The following CBFA2T3 variants were observed in gnomAD, a reference collection of about 807,000 sequenced individuals.
CBFA2T3 encodes the protein CBFA2/RUNX1 partner transcriptional co-repressor 3, also known as transcriptional corepressor CBFA2T3.
Under a neutral mutation model 58.6 loss-of-function variants are expected in CBFA2T3, and 31 were observed. That is an observed-to-expected ratio of 0.53 (90% CI 0.40 to 0.71). The LOEUF (loss-of-function observed/expected upper bound fraction) is 0.71. Ranked by LOEUF, CBFA2T3 falls within the 30% of genes least tolerant of loss-of-function variation. The pLI is 0.00. For synonymous variants in CBFA2T3, 531 were observed against 421.9 expected (o/e 1.26, Z -3.17); for missense variants, 1,076 against 963.1 (o/e 1.12, Z -1.55).
In CBFA2T3 at chr16:88,885,014, C is replaced by T. The variant is rs570992759; in HGVS notation, c.1117+32G>A. 1.3e-5 allele frequency: 20 copies of T among 1,519,182 alleles called. No individual in the cohort carries two copies. Among genetic ancestry groups the T allele is most frequent in the Middle Eastern group, 1.9e-4 (1 of 5,184 alleles). The allele number at this position is 1,519,182 out of a possible 1,614,324, so 94.1% of individuals were successfully genotyped here. On this transcript the variant is annotated intron_variant, in intron 7 of 11. Transcript: ENST00000268679. The surrounding 1 kb of genome is among the most constrained non-coding windows in gnomAD (Gnocchi z 5.3). ...GGCGCATGTGTGCTCCTGTAACACG[C>T]GTCCACGCTCCCGCCCCACCGGGCT...
chr16:88,929,179 T>G (rs1376500228), intron 1 of CBFA2T3, among the ~76,000 whole-genome samples: 1 of 152,138 alleles, frequency 6.6e-6, no homozygotes, highest in African/African-American at 2.4e-5. Flanking sequence ...AGAGATCCCA[T>G]AACTGTTTGT....
chr16:88,916,939 G>A (rs903473182), intron 1 of CBFA2T3, among the ~76,000 whole-genome samples: 11 of 151,774 alleles, frequency 7.2e-5, no homozygotes, highest in African/African-American at 1.5e-4. Context: ...GCAGAAGCAC[G>A]GATTCTTTTA....
chr16:88,880,834 C>T (rs1969039591), intron 9 of CBFA2T3, 46 bp from the exon 10 acceptor site: 2 of 1,523,930 alleles, frequency 1.3e-6, no homozygotes, highest in Non-Finnish European at 1.8e-6. Context: ...CGCGGCTGCC[C>T]CTCCCACGCT....
At chr16:88,949,361 C>G (rs561910646) in intron 1 of CBFA2T3, among the ~76,000 whole-genome samples, 2 of 152,220 alleles carry the variant, frequency 1.3e-5, no homozygotes, top group East Asian at 3.9e-4. Flanking sequence ...CAGTTCAAAA[C>G]CAGCCTGGCC....
At chr16:88,928,698 T>TCCTGCCCCACGGAGCTGA (rs1555539372) in intron 1 of CBFA2T3, among the ~76,000 whole-genome samples, 16 of 152,130 alleles carry the variant, frequency 1.1e-4, no homozygotes, top group African/African-American at 3.9e-4. Flanking sequence ...CAGGCAAAAG[T>TCCTGCCCCACGGAGCTGA]CCTGCCCCAC....
chr16:88,913,643 G>T (rs762712353), intron 1 of CBFA2T3, among the ~76,000 whole-genome samples: 17 of 151,938 alleles, frequency 1.1e-4, no homozygotes, highest in Admixed American at 3.3e-4. Flanking sequence ...ATTCCTCCGT[G>T]GGGGGGTCTC....
intron 1 of CBFA2T3, among the ~76,000 whole-genome samples, chr16:88,967,248 G>T (rs551811593): frequency 2.7e-5 from 4 of 147,120 alleles, no homozygotes; most frequent in African/African-American, 1.0e-4. Flanking sequence ...ACTCGGCCCC[G>T]ACACGAGGCA....
chr16:88,934,537 T>G lies in CBFA2T3; in HGVS notation c.152-32881A>C, dbSNP rs141040365. On this transcript the variant is annotated intron_variant, in intron 1 of 11. Transcript: ENST00000268679. ...GGGGGGCGACAGGCGAGGCTCCATCTTCCCTGTGCACAGTGTGTGGTGCTG... is the reference window on the plus strand; with the variant it reads ...GGGGGGCGACAGGCGAGGCTCCATCGTCCCTGTGCACAGTGTGTGGTGCTG... 1.3e-3 allele frequency among the ~76,000 whole-genome samples: 200 copies of G among 152,356 alleles called. 3 individuals are homozygous for G. In the South Asian group the frequency reaches 0.019, roughly 15 times the overall value.
chr16:88,914,233 ACT>A (rs1970617287), intron 1 of CBFA2T3, among the ~76,000 whole-genome samples: 2 of 152,016 alleles, frequency 1.3e-5, no homozygotes, highest in South Asian at 2.1e-4. Context: ...AGGCAGCAAC[ACT>A]CTGTGATGCT....
At chr16:88,903,929 G>A (rs1317066811) in intron 1 of CBFA2T3, among the ~76,000 whole-genome samples, 3 of 152,252 alleles carry the variant, frequency 2.0e-5, no homozygotes, top group Non-Finnish European at 4.4e-5. Context: ...AGAAGTGGAT[G>A]CAGAGAGCCC....
At chr16:88,933,182 A>G (rs1971376062) in intron 1 of CBFA2T3, among the ~76,000 whole-genome samples, 1 of 152,032 alleles carries the variant, frequency 6.6e-6, no homozygotes, top group African/African-American at 2.4e-5. Flanking sequence ...TGCCTGGTGC[A>G]CCTCCCGTTT....
chr16:88,879,331 G>A lies in CBFA2T3; in HGVS notation c.1601C>T (p.Ala534Val), dbSNP rs553618592. 5.6e-6 allele frequency: 9 copies of A among 1,610,886 alleles called. No homozygotes were observed. The highest frequency in any genetic ancestry group is 1.7e-4 in the Middle Eastern group (1 of 6,050). The change falls in exon 11 of 12, where the codon GCG (alanine) becomes GTG (valine). Residue 534 changes from alanine (A) to valine (V), a missense_variant. Physicochemically the swap from Ala to Val is moderately conservative, Grantham distance 64 (BLOSUM62 0). Transcript: ENST00000268679. ...RAKMERALAE[A>V]KRQASEDALT... ...GGCGTCCTCGGAGGCCTGCCGCTTCGCCTCGGCCAGGGCCCGCTCCATCTT... is the reference window on the plus strand; with the variant it reads ...GGCGTCCTCGGAGGCCTGCCGCTTCACCTCGGCCAGGGCCCGCTCCATCTT...
chr16:88,940,644 G>A (rs1971687149), intron 1 of CBFA2T3, among the ~76,000 whole-genome samples: 1 of 152,098 alleles, frequency 6.6e-6, no homozygotes, highest in Non-Finnish European at 1.5e-5. Context: ...CCCCTCCCCA[G>A]ACCGGCCGCC....
At chr16:88,903,692 G>T (rs1269140744) in intron 1 of CBFA2T3, among the ~76,000 whole-genome samples, 1 of 64,798 alleles carries the variant, frequency 1.5e-5, no homozygotes, top group South Asian at 5.3e-4. Context: ...GGGCATTCCT[G>T]GGGGGGGCGT....
In CBFA2T3 at chr16:88,885,728, C is replaced by T. The variant is rs934493157; in HGVS notation, c.893+233G>A. 13 of 549,984 alleles carry T rather than the reference C, an allele frequency of 2.4e-5. No homozygotes were observed. Among genetic ancestry groups the T allele is most frequent in the African/African-American group, 1.5e-4 (8 of 51,800 alleles). The allele number at this position is 549,984 out of a possible 1,614,324, so 34.1% of individuals were successfully genotyped here. A position where few individuals can be genotyped will look rare whatever the true frequency, so the allele number is the denominator to read the frequency against. On this transcript the variant is annotated intron_variant, in intron 6 of 11. Transcript: ENST00000268679. The surrounding 1 kb of genome is among the most constrained non-coding windows in gnomAD (Gnocchi z 5.3). The stretch of plus-strand genomic sequence containing the variant: ...AGAGCCGTCCTCCCACCAGCCTCCT[C>T]CCTGTCCTCCTAGGCTCCCCGGAGC...
At chr16:88,944,921 A>G (rs914132660) in intron 1 of CBFA2T3, among the ~76,000 whole-genome samples, 4 of 152,236 alleles carry the variant, frequency 2.6e-5, no homozygotes, top group Non-Finnish European at 5.9e-5. Context: ...GTAATCTCAG[A>G]ACACAGGCTG....
chr16:88,951,302 G>A lies in CBFA2T3; in HGVS notation c.151+25355C>T, dbSNP rs758198356. The A allele has an allele frequency of 1.3e-4, 58 of 457,104 alleles. 1 individual carries two copies. The highest frequency in any genetic ancestry group is 9.0e-4 in the South Asian group (58 of 64,512). 28.3% of individuals were successfully genotyped at this position (457,104 alleles called of 1,614,324 possible). A position where few individuals can be genotyped will look rare whatever the true frequency, so the allele number is the denominator to read the frequency against. On this transcript the variant is annotated intron_variant, in intron 1 of 11. Coordinates refer to ENST00000268679, the MANE Select transcript of CBFA2T3 (RefSeq NM_005187.6). ...TCCCCTGGACTGGCACCAGCACAGA[G>A]GGTCGAGTGTTGGCACCTGTCTTCT...
Position 88,885,212 on chromosome 16 carries a change from C to A in CBFA2T3, c.951G>T (p.Arg317=). ...DPLHPEHLSK[R]PCTLNPAQRY... ...GCTGGGCAGGGTTCAGGGTGCATGGCCGTTTGCTGAGGTGCTCGGGGTGCA... is the reference window on the plus strand; with the variant it reads ...GCTGGGCAGGGTTCAGGGTGCATGGACGTTTGCTGAGGTGCTCGGGGTGCA... Residue 317 remains arginine (R), a synonymous_variant, in exon 7 of 12, where the codon CGG becomes CGT. Transcript: ENST00000268679. This position sits in a 1 kb window ranked among gnomAD's most constrained non-coding sequence, Gnocchi z 5.3. 1 of 1,596,244 alleles carries A rather than the reference C, an allele frequency of 6.3e-7. No homozygotes were observed. Among genetic ancestry groups the A allele is most frequent in the Non-Finnish European group, 8.6e-7 (1 of 1,168,868 alleles).
At chr16:88,916,485 T>G (rs1224776382) in intron 1 of CBFA2T3, among the ~76,000 whole-genome samples, 1 of 152,112 alleles carries the variant, frequency 6.6e-6, no homozygotes, top group Non-Finnish European at 1.5e-5. Flanking sequence ...TGTATTCCTG[T>G]GTGTATTCGT....
Sources: allele counts gnomAD v4.1 joint callset (sites outside exome capture counted in the v4.1 genomes callset), GRCh38; gene constraint gnomAD v4.1.1; non-coding constraint Gnocchi (gnomAD v3.1); transcripts MANE v1.5; gene names NCBI Gene and HGNC (gene_info 2026-07-23, HGNC 2026-07-21).